DMD: variants seen among roughly 807,000 people sequenced by gnomAD.
The protein encoded by DMD is dystrophin, also known as mutant dystrophin.
A neutral mutation model predicts 330.1 loss-of-function variants in DMD; 63 were observed. The ratio of observed to expected loss-of-function variants is 0.19; its 90% CI spans 0.16 to 0.24. DMD has a LOEUF of 0.24. Ranked by LOEUF, DMD falls within the 10% of genes least tolerant of loss-of-function variation. The pLI is 1.00. For synonymous variants in DMD, 1,223 were observed against 959.8 expected (o/e 1.27, Z -5.07); for missense variants, 3,344 against 2,684.1 (o/e 1.25, Z -5.43).
At chrX:32,855,477 A>C (rs2081472169) in intron 2 of DMD, among the ~76,000 whole-genome samples, 1 of 112,092 alleles carries the variant, frequency 8.9e-6, no homozygotes, top group Non-Finnish European at 1.9e-5. Context: ...CACATAGACC[A>C]ATGGAACAGA....
chrX:32,348,427 C>G lies in DMD; in HGVS notation c.5427G>C (p.Glu1809Asp), dbSNP rs2097771126. The change falls in exon 38 of 79, where the codon GAG becomes GAC. Residue 1809 changes from glutamate to aspartate, a missense_variant. By Grantham distance (45) the Glu-to-Asp change is conservative. Coordinates refer to ENST00000357033, the MANE Select transcript of DMD (RefSeq NM_004006.3). ...AEIQQGVNLK[E>D]EDFNKDMNED... ...TTACCATATCTTTATTGAAGTCTTC[C>G]TCTTTCAGATTCACCCCCTGCTGAA... The G allele has an allele frequency of 8.3e-7, 1 of 1,208,705 alleles. No individual in the cohort carries two copies. Among genetic ancestry groups the G allele is most frequent in the African/African-American group, 1.7e-5 (1 of 57,619 alleles).
chrX:31,400,802 A>G (rs972122596), intron 60 of DMD, among the ~76,000 whole-genome samples: 5 of 112,260 alleles, frequency 4.5e-5, no homozygotes, highest in Non-Finnish European at 7.5e-5. Context: ...GACAATGAAA[A>G]CAATCAAAAA....
chrX:31,989,155 C>A (rs773918502), intron 44 of DMD, among the ~76,000 whole-genome samples: 1 of 111,845 alleles, frequency 8.9e-6, no homozygotes. Context: ...GACCCACCCA[C>A]ACAAGGGAGA....
rs190595535 is a variant in DMD at position 32,647,769 on chromosome X, T to C, written c.961-2617A>G. On this transcript the variant is annotated intron_variant, in intron 9 of 78. Coordinates refer to ENST00000357033, the MANE Select transcript of DMD (RefSeq NM_004006.3). ...TAAAGTATGTTACGGCTGTAATTAT[T>C]ATCAAATTCCTCTGCATATATAAGA... Among the ~76,000 whole-genome samples the C allele has an allele frequency of 9.9e-3, 1,107 of 112,259 alleles. 20 individuals are homozygous for C. The highest frequency in any genetic ancestry group is 0.034 in the African/African-American group (1,045 of 30,883).
intron 19 of DMD, among the ~76,000 whole-genome samples, chrX:32,500,787 A>T (rs930442685): frequency 9.0e-6 from 1 of 111,508 alleles, no homozygotes; most frequent in African/African-American, 3.3e-5. Flanking sequence ...CAGTCATGGG[A>T]CTCATTAGAA....
At chrX:31,813,762 T>C (rs2092531539) in intron 50 of DMD, among the ~76,000 whole-genome samples, 1 of 111,872 alleles carries the variant, frequency 8.9e-6, no homozygotes, top group South Asian at 3.8e-4. Context: ...GGAGAGCTAC[T>C]CCTACAGGCA....
chrX:32,326,436 A>C lies in DMD; in HGVS notation c.5922+15664T>G, dbSNP rs1400673363. Among the ~76,000 whole-genome samples the C allele has an allele frequency of 3.0e-4, 34 of 112,876 alleles. No individual in the cohort carries two copies. In the Admixed American group the frequency reaches 3.1e-3, roughly 10 times the overall value. ...ATGTAAATAGCAAATAACATATAGC[A>C]TAGCTACATAAATAAGCATATGTGT... On this transcript the variant is annotated intron_variant, in intron 41 of 78. Coordinates refer to ENST00000357033, the MANE Select transcript of DMD (RefSeq NM_004006.3).
chrX:33,077,956 T>G (rs1222732333), intron 1 of DMD, among the ~76,000 whole-genome samples: 1 of 112,573 alleles, frequency 8.9e-6, no homozygotes, highest in Non-Finnish European at 1.9e-5. Flanking sequence ...CTTGGCCTGA[T>G]TATTTGCATG....
intron 21 of DMD, among the ~76,000 whole-genome samples, chrX:32,477,207 TAA>T (rs2041325530): frequency 9.0e-6 from 1 of 110,906 alleles, no homozygotes; most frequent in East Asian, 2.8e-4. Flanking sequence ...AAAATCAATA[TAA>T]GTGATTGCAA....
intron 60 of DMD, among the ~76,000 whole-genome samples, chrX:31,356,627 T>G (rs922004552): frequency 8.0e-5 from 9 of 112,277 alleles, no homozygotes; most frequent in African/African-American, 2.9e-4. Flanking sequence ...CTTTGTCCGT[T>G]GTTAAGCCTT....
At chrX:32,563,738 C>G (rs185733082) in intron 16 of DMD, among the ~76,000 whole-genome samples, 397 of 111,856 alleles carry the variant, frequency 3.5e-3, no homozygotes, top group African/African-American at 0.012. Context: ...AAAAAGTAGT[C>G]CCATTCCAAG....
At chrX:31,672,788 G>A (rs1306804272) in intron 53 of DMD, among the ~76,000 whole-genome samples, 1 of 111,495 alleles carries the variant, frequency 9.0e-6, no homozygotes, top group East Asian at 2.8e-4. Context: ...CAAGCACATG[G>A]GCTTCTAGAT....
chrX:32,631,156 C>G (rs570465326), intron 11 of DMD, among the ~76,000 whole-genome samples: 1 of 111,730 alleles, frequency 9.0e-6, no homozygotes. Flanking sequence ...GGTAGATAAT[C>G]TTTTTCTCTT....
chrX:33,043,758 T>C lies in DMD; in HGVS notation c.32-23558A>G, dbSNP rs780501785. On this transcript the variant is annotated intron_variant, in intron 1 of 78. Transcript: ENST00000357033. ...TGCAGGTTTATTACATATGTATACA[T>C]GTGCCATGTTGGTGTGCTGCACCCA... Among the ~76,000 whole-genome samples, 10 of 110,918 alleles carry C rather than the reference T, an allele frequency of 9.0e-5. No individual in the cohort carries two copies. The East Asian group carries it at 2.9e-3, about 32-fold the overall frequency.
At chrX:32,458,815 C>A (rs1194654823) in intron 25 of DMD, among the ~76,000 whole-genome samples, 1 of 111,287 alleles carries the variant, frequency 9.0e-6, no homozygotes, top group Non-Finnish European at 1.9e-5. Context: ...CTATTCAAGT[C>A]CTGTGCTCAT....
intron 77 of DMD, among the ~76,000 whole-genome samples, chrX:31,128,771 C>T (rs1296376525): frequency 9.0e-6 from 1 of 111,271 alleles, no homozygotes; most frequent in Non-Finnish European, 1.9e-5. Flanking sequence ...CTAAAATCCT[C>T]CCTCATCACT....
chrX:31,246,435 G>C (rs1333595721), intron 63 of DMD, among the ~76,000 whole-genome samples: 3 of 112,609 alleles, frequency 2.7e-5, no homozygotes, highest in Non-Finnish European at 5.6e-5. Flanking sequence ...ACGAACAACA[G>C]ATTTTCAACA....
intron 55 of DMD, among the ~76,000 whole-genome samples, chrX:31,543,345 A>G (rs1475394727): frequency 2.7e-5 from 3 of 109,296 alleles, no homozygotes; most frequent in African/African-American, 1.0e-4. Flanking sequence ...TATTTTTTGT[A>G]TTTTTAGTAG....
chrX:32,237,693 G>A (rs1027406097), intron 43 of DMD, among the ~76,000 whole-genome samples: 1 of 111,764 alleles, frequency 8.9e-6, no homozygotes, highest in African/African-American at 3.3e-5. Context: ...CTACATAGAG[G>A]CATGTAAGAG....
Sources: allele counts gnomAD v4.1 joint callset (sites outside exome capture counted in the v4.1 genomes callset), GRCh38; gene constraint gnomAD v4.1.1; transcripts MANE v1.5; gene names NCBI Gene and HGNC (gene_info 2026-07-23, HGNC 2026-07-21).